The following SEPTIN9 variants were observed in gnomAD, a reference collection of about 807,000 sequenced individuals.
SEPTIN9 encodes septin-9.
A neutral mutation model predicts 56.6 loss-of-function variants in SEPTIN9; 13 were observed. That is an observed-to-expected ratio of 0.23 (90% CI 0.15 to 0.37). The LOEUF is 0.37. Among genes scored for constraint, SEPTIN9 ranks in the 10% least tolerant of loss-of-function variants. The pLI is 1.00. For missense variants in SEPTIN9, 650 were observed against 823.1 expected (o/e 0.79, Z 2.57); for synonymous variants, 332 against 334.1 (o/e 0.99, Z 0.07).
intron 1 of SEPTIN9, 26 bp from the exon 2 acceptor site, chr17:77,307,115 C>T (rs1300040759): frequency 6.2e-7 from 1 of 1,612,724 alleles, no homozygotes; most frequent in Admixed American, 1.7e-5. Context: ...CCTTGTGTGA[C>T]CTTTGCCCTT....
chr17:77,411,471 T>C (rs574910102), intron 3 of SEPTIN9, among the ~76,000 whole-genome samples: 1 of 151,736 alleles, frequency 6.6e-6, no homozygotes, highest in South Asian at 2.1e-4. Flanking sequence ...TGTGGCTCAC[T>C]GTAACCTCCA....
At chr17:77,490,191 C>T (rs545624250) in intron 7 of SEPTIN9, among the ~76,000 whole-genome samples, 7 of 152,332 alleles carry the variant, frequency 4.6e-5, no homozygotes, top group African/African-American at 9.6e-5. Context: ...GGGAAAAGCT[C>T]GGCTCCAGAA....
Position 77,389,302 on chromosome 17 carries a change from C to A in SEPTIN9, c.77-12757C>A, listed in dbSNP as rs1016944699. Among the ~76,000 whole-genome samples the A allele has an allele frequency of 6.6e-6, 1 of 151,850 alleles. No homozygotes were observed. The highest frequency in any genetic ancestry group is 1.5e-5 in the Non-Finnish European group (1 of 67,924). On this transcript the variant is annotated intron_variant, in intron 2 of 11. Transcript: ENST00000427177. This position sits in a 1 kb window ranked among gnomAD's most constrained non-coding sequence, Gnocchi z 4.3. Reference sequence around the variant, plus strand: ...GTAGGCTGAGGAGGTGGCTGGCGACCCTGTGGTGGGGACGAGGGGGCTATG... The same window carrying A: ...GTAGGCTGAGGAGGTGGCTGGCGACACTGTGGTGGGGACGAGGGGGCTATG...
At chr17:77,441,937 T>C (rs932023589) in intron 3 of SEPTIN9, among the ~76,000 whole-genome samples, 1 of 152,214 alleles carries the variant, frequency 6.6e-6, no homozygotes, top group Non-Finnish European at 1.5e-5. Context: ...GGAGTATTTT[T>C]GTAGCGGGGA....
intron 3 of SEPTIN9, among the ~76,000 whole-genome samples, chr17:77,474,102 T>C (rs1235662031): frequency 6.6e-6 from 1 of 152,370 alleles, no homozygotes. Flanking sequence ...GAAGTCATCA[T>C]TGAGGTCTCT....
In SEPTIN9 at chr17:77,450,753, C is replaced by T; in HGVS notation, c.722-31391C>T. 1.0e-6 allele frequency: 1 copy of T among 986,126 alleles called. No individual in the cohort carries two copies. 61.1% of individuals were successfully genotyped at this position (986,126 alleles called of 1,614,324 possible). ...TGGAGAGGCAGGAGCTGGATCAGAT[C>T]TGAATCCAGAGGCTCTCGGAGGAAG... On this transcript the variant is annotated intron_variant, in intron 3 of 11. Coordinates refer to ENST00000427177, the MANE Select transcript of SEPTIN9 (RefSeq NM_001113491.2). The surrounding 1 kb of genome is among the most constrained non-coding windows in gnomAD (Gnocchi z 6.0).
At chr17:77,296,293 C>A (rs1312361915) in intron 1 of SEPTIN9, among the ~76,000 whole-genome samples, 1 of 152,168 alleles carries the variant, frequency 6.6e-6, no homozygotes, top group East Asian at 1.9e-4. Context: ...ACCAAGGCAC[C>A]GTCTGCATCA....
At chr17:77,325,942 G>A (rs537400993) in intron 2 of SEPTIN9, among the ~76,000 whole-genome samples, 1 of 152,304 alleles carries the variant, frequency 6.6e-6, no homozygotes, top group African/African-American at 2.4e-5. Flanking sequence ...CTAGCAACGG[G>A]GAGCTGGCTT....
At chr17:77,305,323 T>C (rs568768370) in intron 1 of SEPTIN9, among the ~76,000 whole-genome samples, 1 of 152,254 alleles carries the variant, frequency 6.6e-6, no homozygotes, top group Non-Finnish European at 1.5e-5. Flanking sequence ...TCCTCCTCTA[T>C]GAAATGGGGC....
chr17:77,478,392 G>T lies in SEPTIN9; in HGVS notation c.722-3752G>T, dbSNP rs577184062. 3.9e-5 allele frequency among the ~76,000 whole-genome samples: 6 copies of T among 152,308 alleles called. No homozygotes were observed. The South Asian group carries it at 1.2e-3, about 32-fold the overall frequency. On this transcript the variant is annotated intron_variant, in intron 3 of 11. Coordinates refer to ENST00000427177, the MANE Select transcript of SEPTIN9 (RefSeq NM_001113491.2). ...TCCACTTCTGGGTGTGGATTCAAAA[G>T]AATGCACAGCATCTTAAAGAGCTAG...
At chr17:77,285,019 C>A (rs2031212587) in intron 1 of SEPTIN9, among the ~76,000 whole-genome samples, 1 of 152,188 alleles carries the variant, frequency 6.6e-6, no homozygotes, top group Non-Finnish European at 1.5e-5. Flanking sequence ...GCTCTGTAAC[C>A]TGTTAGCTGC....
At chr17:77,404,636 G>A (rs376345978) in intron 3 of SEPTIN9, among the ~76,000 whole-genome samples, 2 of 152,114 alleles carry the variant, frequency 1.3e-5, no homozygotes, top group Non-Finnish European at 2.9e-5. Flanking sequence ...TGTGGGTTTG[G>A]GGGGAGACCA....
At chr17:77,297,302 G>A (rs1168655576) in intron 1 of SEPTIN9, among the ~76,000 whole-genome samples, 3 of 152,182 alleles carry the variant, frequency 2.0e-5, no homozygotes, top group East Asian at 1.9e-4. Flanking sequence ...AAGGGCAGGA[G>A]AGGAAGGCAT....
chr17:77,325,980 G>T (rs2033122467), intron 2 of SEPTIN9, among the ~76,000 whole-genome samples: 2 of 152,112 alleles, frequency 1.3e-5, no homozygotes, highest in South Asian at 4.1e-4. Context: ...CTCCCTAAGT[G>T]GAAGTGGGGC....
At chr17:77,467,416 C>A (rs72887167) in intron 3 of SEPTIN9, among the ~76,000 whole-genome samples, 1 of 152,064 alleles carries the variant, frequency 6.6e-6, no homozygotes, top group Non-Finnish European at 1.5e-5. Flanking sequence ...TGGGAGAGAC[C>A]CCAGGGGCCC....
At chr17:77,311,194 G>A (rs891766439) in intron 2 of SEPTIN9, among the ~76,000 whole-genome samples, 1 of 151,832 alleles carries the variant, frequency 6.6e-6, no homozygotes, top group Non-Finnish European at 1.5e-5. Flanking sequence ...CCAGGCCAGG[G>A]AGCGTCTGGG....
chr17:77,383,859 G>A (rs1175039383), intron 2 of SEPTIN9, among the ~76,000 whole-genome samples: 1 of 152,272 alleles, frequency 6.6e-6, no homozygotes, highest in Non-Finnish European at 1.5e-5. Flanking sequence ...ATGTGGGGGA[G>A]TCATCAGCCT....
At chr17:77,328,867 C>T (rs2033244298) in intron 2 of SEPTIN9, among the ~76,000 whole-genome samples, 1 of 152,168 alleles carries the variant, frequency 6.6e-6, no homozygotes, top group African/African-American at 2.4e-5. Context: ...GCTGGGGGTG[C>T]ATATCTGTGT....
chr17:77,348,294 G>GTTTTTTTTT (rs367934946), intron 2 of SEPTIN9, among the ~76,000 whole-genome samples: 3 of 89,754 alleles, frequency 3.3e-5, no homozygotes, highest in African/African-American at 9.0e-5. Context: ...TTTAATTTAT[G>GTTTTTTTTT]TTTTTTTTTT....
Sources: allele counts gnomAD v4.1 joint callset (sites outside exome capture counted in the v4.1 genomes callset), GRCh38; gene constraint gnomAD v4.1.1; non-coding constraint Gnocchi (gnomAD v3.1); transcripts MANE v1.5; gene names NCBI Gene and HGNC (gene_info 2026-07-23, HGNC 2026-07-21).